The following SLC22A8 variants were observed in gnomAD, a reference collection of about 807,000 sequenced individuals.
SLC22A8 encodes organic anion transporter 3.
In SLC22A8, 40 loss-of-function variants were observed where a neutral mutation model predicts 48.4. The observed-to-expected ratio is 0.83, with a 90% CI of 0.64 to 1.08. SLC22A8 has a LOEUF of 1.08. SLC22A8 is among the 50% of genes least tolerant of loss of function. The pLI is 0.00. For missense variants in SLC22A8, 606 were observed against 699.0 expected, an observed-to-expected ratio of 0.87 and a Z score of 1.50; for synonymous variants, 268 against 286.3, an observed-to-expected ratio of 0.94 and a Z score of 0.65.
intron 4 of SLC22A8, 87 bp from the exon 5 acceptor site, chr11:62,999,176 C>T (rs57239249): frequency 3.0e-5 from 35 of 1,165,636 alleles, no homozygotes; most frequent in East Asian, 9.5e-5. Flanking sequence ...TGCATCCCCA[C>T]GGCTACTGAC....
chr11:63,015,643 T>G (rs904381760), intron 1 of SLC22A8, 86 bp downstream of exon 1: 1 of 152,492 alleles, frequency 6.6e-6, no homozygotes, highest in African/African-American at 2.4e-5. Context: ...ACTAGGGGCT[T>G]GGCTAGTCGC....
chr11:63,013,791 A>G (rs2086644827), intron 2 of SLC22A8, among the ~76,000 whole-genome samples: 1 of 152,214 alleles, frequency 6.6e-6, no homozygotes, highest in Non-Finnish European at 1.5e-5. Context: ...GTGTCTACAA[A>G]GCCCCCAAAT....
chr11:63,000,871 G>T (rs2086485855), intron 2 of SLC22A8, 48 bp from the exon 3 acceptor site: 2 of 1,361,190 alleles, frequency 1.5e-6, no homozygotes. Context: ...TAGACAGCCT[G>T]CTCAGCCATG....
At position 62,996,090 on chromosome 11, in the gene SLC22A8, A is replaced by G; in HGVS notation, c.824T>C (p.Ile275Thr). 1 of 1,614,036 alleles carries G rather than the reference A, an allele frequency of 6.2e-7. No individual in the cohort carries two copies. Among genetic ancestry groups the G allele is most frequent in the East Asian group, 2.2e-5 (1 of 44,864 alleles). ...LSGKSSKALK[I>T]LRRVAVFNGK... ...ATTGAAGACAGCCACCCGCCGGAGTATCTTCAGGGCCTTCGAGGACTTTCC... is the reference window on the plus strand; with the variant it reads ...ATTGAAGACAGCCACCCGCCGGAGTGTCTTCAGGGCCTTCGAGGACTTTCC... The change falls in exon 6 of 11, where the codon ATA becomes ACA. Residue 275 changes from isoleucine (I) to threonine (T), a missense_variant. Physicochemically the swap from Ile to Thr is moderately conservative, Grantham distance 89. Coordinates refer to ENST00000336232, the MANE Select transcript of SLC22A8 (RefSeq NM_004254.4).
rs72933456 is a variant in SLC22A8 at position 63,002,089 on chromosome 11, G to A, written c.334-1266C>T. On this transcript the variant is annotated intron_variant, in intron 2 of 10. Coordinates refer to ENST00000336232, the MANE Select transcript of SLC22A8 (RefSeq NM_004254.4). Reference sequence around the variant, plus strand: ...CCACACCTGGCTAATTTTGGATTTTGTATATAGACAGGAGCTCACTATGTT... The same window carrying A: ...CCACACCTGGCTAATTTTGGATTTTATATATAGACAGGAGCTCACTATGTT... 8.2e-3 allele frequency among the ~76,000 whole-genome samples: 1,242 copies of A among 152,072 alleles called. 9 individuals are homozygous for A. The highest frequency in any genetic ancestry group is 0.044 in the Middle Eastern group (13 of 294).
chr11:62,994,821 A>C, intron 7 of SLC22A8, 65 bp from the exon 8 acceptor site: 2 of 1,229,838 alleles, frequency 1.6e-6, no homozygotes, highest in South Asian at 2.4e-5. Flanking sequence ...CATGCTGGTC[A>C]TTGGGTCACC....
At chr11:63,001,206 A>G (rs1379693810) in intron 2 of SLC22A8, among the ~76,000 whole-genome samples, 1 of 152,070 alleles carries the variant, frequency 6.6e-6, no homozygotes, top group African/African-American at 2.4e-5. Context: ...TCTCCTCTAC[A>G]GGGACGTTCC....
intron 2 of SLC22A8, among the ~76,000 whole-genome samples, chr11:63,002,838 T>C (rs1378270575): frequency 2.6e-5 from 4 of 152,248 alleles, no homozygotes; most frequent in Admixed American, 2.0e-4. Flanking sequence ...TTCTAAGCTC[T>C]TTCCATGTTT....
intron 2 of SLC22A8, chr11:63,001,045 A>G: frequency 7.8e-6 from 4 of 515,204 alleles, no homozygotes; most frequent in Non-Finnish European, 1.4e-5. Context: ...GTGGCCTGTC[A>G]TATGGCTCTC....
At chr11:62,994,374 A>T (rs1002396656) in intron 8 of SLC22A8, 168 bp downstream of exon 8, 4 of 615,298 alleles carry the variant, frequency 6.5e-6, no homozygotes, top group Non-Finnish European at 1.1e-5. Flanking sequence ...CTTTCATGTC[A>T]TCTAGCCCAA....
intron 2 of SLC22A8, among the ~76,000 whole-genome samples, chr11:63,009,214 G>T (rs964697694): frequency 1.3e-5 from 2 of 152,004 alleles, no homozygotes; most frequent in Non-Finnish European, 2.9e-5. Flanking sequence ...GGGCAACTGG[G>T]GACTGGGGAT....
intron 2 of SLC22A8, among the ~76,000 whole-genome samples, chr11:63,010,542 G>C (rs775827074): frequency 6.6e-6 from 1 of 152,228 alleles, no homozygotes; most frequent in Non-Finnish European, 1.5e-5. Flanking sequence ...CAAACAGAAA[G>C]ATGAAAGGGT....
intron 2 of SLC22A8, among the ~76,000 whole-genome samples, chr11:63,006,553 G>A (rs2086556380): frequency 7.5e-6 from 1 of 133,756 alleles, no homozygotes; most frequent in Non-Finnish European, 1.6e-5. Context: ...TTGCTGTCCT[G>A]TATTCTGTAA....
chr11:63,003,076 C>T (rs944333606), intron 2 of SLC22A8, among the ~76,000 whole-genome samples: 3 of 152,148 alleles, frequency 2.0e-5, no homozygotes, highest in African/African-American at 7.2e-5. Flanking sequence ...CTTCTCCTTG[C>T]CCTTTCGGTA....
At chr11:63,000,444 A>G (rs1277025049) in intron 3 of SLC22A8, among the ~76,000 whole-genome samples, 2 of 149,718 alleles carry the variant, frequency 1.3e-5, no homozygotes, top group Admixed American at 6.7e-5. Flanking sequence ...AGATTGTGCC[A>G]TCGCACTCCA....
intron 3 of SLC22A8, among the ~76,000 whole-genome samples, chr11:63,000,491 A>G (rs1322166075): frequency 6.9e-6 from 1 of 144,226 alleles, no homozygotes; most frequent in Non-Finnish European, 1.5e-5. Context: ...TCTTAAGAGA[A>G]AAAAAAAAAA....
At position 62,996,746 on chromosome 11, in the gene SLC22A8, C is replaced by G. The variant is rs548952110; in HGVS notation, c.762-594G>C. Among the ~76,000 whole-genome samples, 8 of 152,360 alleles carry G rather than the reference C, an allele frequency of 5.3e-5. No individual in the cohort carries two copies. The South Asian group carries it at 1.4e-3, about 28-fold the overall frequency. ...GGATTGGCAAATAGGCAGTCACCCC[C>G]ACTCTCCCTTGCCCCCAGGCTATGC... On this transcript the variant is annotated intron_variant, in intron 5 of 10. Transcript: ENST00000336232.
At chr11:62,998,561 C>G (rs2086450664) in intron 5 of SLC22A8, among the ~76,000 whole-genome samples, 1 of 152,204 alleles carries the variant, frequency 6.6e-6, no homozygotes, top group African/African-American at 2.4e-5. Context: ...TATTATTTCA[C>G]AAATGGAAAC....
chr11:63,015,443 A>G (rs983907602), intron 1 of SLC22A8, among the ~76,000 whole-genome samples: 1 of 152,210 alleles, frequency 6.6e-6, no homozygotes, highest in Non-Finnish European at 1.5e-5. Context: ...TTGGCTACAA[A>G]GGACAGATTA....
Sources: allele counts gnomAD v4.1 joint callset (sites outside exome capture counted in the v4.1 genomes callset), GRCh38; gene constraint gnomAD v4.1.1; transcripts MANE v1.5; gene names NCBI Gene and HGNC (gene_info 2026-07-23, HGNC 2026-07-21).